L3MBTL4: variants seen among roughly 807,000 people sequenced by gnomAD.
The protein encoded by L3MBTL4 is L3MBTL histone methyl-lysine binding protein 4, also known as lethal(3)malignant brain tumor-like protein 4.
A neutral mutation model predicts 84.5 loss-of-function variants in L3MBTL4; 70 were observed. The observed-to-expected ratio is 0.83, with a 90% CI of 0.68 to 1.01. L3MBTL4 has a LOEUF of 1.01. L3MBTL4 is among the 50% of genes least tolerant of loss of function. L3MBTL4 has a pLI of 0.00. For missense variants in L3MBTL4, 715 were observed against 754.8 expected (o/e 0.95, Z 0.62); for synonymous variants, 274 against 259.8 (o/e 1.05, Z -0.52).
chr18:5,996,929 A>G (rs541014107), intron 16 of L3MBTL4, among the ~76,000 whole-genome samples: 16 of 152,184 alleles, frequency 1.1e-4, no homozygotes, highest in Non-Finnish European at 2.2e-4. Flanking sequence ...CTCCCGATCC[A>G]GTTCATTTGG....
At chr18:6,284,343 G>A (rs1037361986) in intron 4 of L3MBTL4, among the ~76,000 whole-genome samples, 12 of 152,162 alleles carry the variant, frequency 7.9e-5, no homozygotes, top group Non-Finnish European at 1.8e-4. Flanking sequence ...AAATCCACAG[G>A]GGCTCTCACG....
At chr18:6,349,950 CA>C (rs1291901122) in intron 1 of L3MBTL4, among the ~76,000 whole-genome samples, 1 of 152,148 alleles carries the variant, frequency 6.6e-6, no homozygotes, top group Non-Finnish European at 1.5e-5. Flanking sequence ...AAATCCACTA[CA>C]CTGTATTCTT....
intron 10 of L3MBTL4, among the ~76,000 whole-genome samples, chr18:6,221,956 G>A (rs1055040803): frequency 2.0e-5 from 3 of 152,150 alleles, no homozygotes; most frequent in African/African-American, 4.8e-5. Context: ...GGACCAAGTG[G>A]TCACTAATTG....
chr18:6,247,466 ATTTTTT>A (rs71163266), intron 5 of L3MBTL4, among the ~76,000 whole-genome samples: 504 of 49,582 alleles, frequency 0.01, 8 homozygotes, highest in African/African-American at 0.049. Flanking sequence ...CCCTCCTCTG[ATTTTTT>A]TTTTTTTTTT....
At chr18:6,156,814 A>T (rs528032502) in intron 13 of L3MBTL4, among the ~76,000 whole-genome samples, 1 of 152,340 alleles carries the variant, frequency 6.6e-6, no homozygotes, top group South Asian at 2.1e-4. Context: ...AATACAATCT[A>T]TGATGGTCTG....
intron 1 of L3MBTL4, among the ~76,000 whole-genome samples, chr18:6,392,111 T>A (rs2055080484): frequency 6.6e-6 from 1 of 152,126 alleles, no homozygotes; most frequent in East Asian, 1.9e-4. Flanking sequence ...ATACTATAAG[T>A]CTACAGTTAC....
chr18:6,301,796 T>G (rs1383100531), intron 4 of L3MBTL4, 107 bp downstream of exon 4: 1 of 836,686 alleles, frequency 1.2e-6, no homozygotes, highest in Non-Finnish European at 2.1e-6. Flanking sequence ...TAGATATTAT[T>G]ATCACATATT....
At chr18:6,046,648 T>C (rs2056631836) in intron 16 of L3MBTL4, 1 of 691,978 alleles carries the variant, frequency 1.4e-6, no homozygotes, top group South Asian at 1.7e-5. Flanking sequence ...TGCACCTGAA[T>C]GACTTTTAGG....
At chr18:5,981,351 A>G (rs1466184481) in intron 16 of L3MBTL4, among the ~76,000 whole-genome samples, 1 of 152,226 alleles carries the variant, frequency 6.6e-6, no homozygotes, top group African/African-American at 2.4e-5. Flanking sequence ...TATACAAGTA[A>G]AAGAAATGAG....
At chr18:6,171,280 A>G (rs942687698) in intron 13 of L3MBTL4, among the ~76,000 whole-genome samples, 2 of 152,214 alleles carry the variant, frequency 1.3e-5, no homozygotes, top group Admixed American at 6.5e-5. Flanking sequence ...AGACAAAAAA[A>G]TAAGGTATTT....
intron 1 of L3MBTL4, among the ~76,000 whole-genome samples, chr18:6,404,097 G>A (rs1599929771): frequency 6.9e-6 from 1 of 145,232 alleles, no homozygotes; most frequent in East Asian, 2.2e-4. Flanking sequence ...GACTTGGGGG[G>A]AAGGGTGGGA....
At chr18:6,217,411 G>T (rs553720441) in intron 10 of L3MBTL4, among the ~76,000 whole-genome samples, 2 of 152,204 alleles carry the variant, frequency 1.3e-5, no homozygotes, top group African/African-American at 4.8e-5. Context: ...AACATCTTTT[G>T]CTCTGCATTC....
chr18:5,987,353 T>G (rs1174673491), intron 16 of L3MBTL4, among the ~76,000 whole-genome samples: 1 of 152,250 alleles, frequency 6.6e-6, no homozygotes, highest in African/African-American at 2.4e-5. Flanking sequence ...ATCTAACACT[T>G]TTGCACTGTC....
intron 5 of L3MBTL4, 117 bp downstream of exon 5, chr18:6,263,830 G>T: frequency 1.3e-6 from 1 of 791,392 alleles, no homozygotes; most frequent in Non-Finnish European, 2.2e-6. Context: ...TCATTTTCCA[G>T]CAGAGCCTAC....
At chr18:5,999,747 A>G (rs1263655372) in intron 16 of L3MBTL4, among the ~76,000 whole-genome samples, 1 of 152,240 alleles carries the variant, frequency 6.6e-6, no homozygotes, top group Non-Finnish European at 1.5e-5. Context: ...TATGCAGGGG[A>G]AGGGAAGAAA....
In L3MBTL4 at chr18:6,244,380, A is replaced by C. The variant is rs145498011; in HGVS notation, c.324+104T>G. On this transcript the variant is annotated intron_variant, in intron 6 of 18. Coordinates refer to ENST00000317931, the MANE Select transcript of L3MBTL4 (RefSeq NM_001330559.2). Reference sequence around the variant, plus strand: ...GCTGACTAAAATAAATCCATAATGCACTGGAACTTCTTCATAATAAATATC... The same window carrying C: ...GCTGACTAAAATAAATCCATAATGCCCTGGAACTTCTTCATAATAAATATC... 312 of 715,014 alleles carry C rather than the reference A, an allele frequency of 4.4e-4. 2 individuals are homozygous for C. In the East Asian group the frequency reaches 5.4e-3, roughly 12 times the overall value. The allele number at this position is 715,014 out of a possible 1,614,324, so 44.3% of individuals were successfully genotyped here. A position where few individuals can be genotyped will look rare whatever the true frequency, so the allele number is the denominator to read the frequency against.
intron 13 of L3MBTL4, among the ~76,000 whole-genome samples, chr18:6,139,580 C>T (rs2060134150): frequency 6.6e-6 from 1 of 152,078 alleles, no homozygotes; most frequent in Non-Finnish European, 1.5e-5. Flanking sequence ...TCCCATACCT[C>T]CTGCTGTTCT....
chr18:6,044,304 G>T (rs9952075), intron 16 of L3MBTL4, among the ~76,000 whole-genome samples: 1 of 152,164 alleles, frequency 6.6e-6, no homozygotes, highest in Non-Finnish European at 1.5e-5. Flanking sequence ...GTGAAAACAC[G>T]TCGATGATTC....
intron 16 of L3MBTL4, chr18:6,080,188 C>T (rs1163235531): frequency 1.3e-5 from 2 of 152,350 alleles, no homozygotes; most frequent in Non-Finnish European, 2.9e-5. Flanking sequence ...TGTTCCTTCC[C>T]TCTAGAAGGC....
Sources: gnomAD v4.1 joint callset for allele counts (sites outside exome capture counted in the v4.1 genomes callset) on GRCh38, gnomAD v4.1.1 for gene constraint, MANE v1.5 for transcripts, NCBI Gene and HGNC (gene_info 2026-07-23, HGNC 2026-07-21) for gene names.